Variants in FGD4 observed in about 807,000 individuals in gnomAD.
The protein encoded by FGD4 is FYVE, RhoGEF and PH domain containing 4.
FGD4 carries 42 observed loss-of-function variants against 102.0 expected under a neutral mutation model. That is an observed-to-expected ratio of 0.41 (90% CI 0.32 to 0.53). FGD4 has a LOEUF of 0.53. Ranked by LOEUF, FGD4 falls within the 20% of genes least tolerant of loss-of-function variation. FGD4 has a pLI of 0.21. For missense variants in FGD4, 902 were observed against 1,078.2 expected (o/e 0.84, Z 2.29); for synonymous variants, 380 against 375.7 (o/e 1.01, Z -0.13).
At chr12:32,415,622 C>T (rs1010584435) in intron 1 of FGD4, among the ~76,000 whole-genome samples, 4 of 151,954 alleles carry the variant, frequency 2.6e-5, no homozygotes, top group Admixed American at 6.6e-5. Flanking sequence ...CGGGTTTCAC[C>T]GTATTAGCCA....
chr12:32,473,632 ACCCACCAATTC>A (rs1943497969), intron 1 of FGD4, among the ~76,000 whole-genome samples: 1 of 152,128 alleles, frequency 6.6e-6, no homozygotes, highest in South Asian at 2.1e-4. Flanking sequence ...CAGACCAAGA[ACCCACCAATTC>A]CGGACACACC....
At position 32,509,554 on chromosome 12, in the gene FGD4, T is replaced by C. The variant is rs1278714630; in HGVS notation, c.167-54583T>C. 1.5e-4 allele frequency among the ~76,000 whole-genome samples: 23 copies of C among 152,244 alleles called. 1 individual carries two copies. Among genetic ancestry groups the C allele is most frequent in the Admixed American group, 1.5e-3 (23 of 15,286 alleles). On this transcript the variant is annotated intron_variant, in intron 1 of 16. Transcript: ENST00000534526. Reference sequence around the variant, plus strand: ...ATTTTCCAAATGCTTATATTTTGGATTGGCACCCTTGTATACTTCAGATGA... The same window carrying C: ...ATTTTCCAAATGCTTATATTTTGGACTGGCACCCTTGTATACTTCAGATGA...
At chr12:32,438,576 A>T (rs1942311680) in intron 1 of FGD4, among the ~76,000 whole-genome samples, 1 of 150,474 alleles carries the variant, frequency 6.6e-6, no homozygotes, top group African/African-American at 2.4e-5. Context: ...TTTATATACT[A>T]GTCACCTAAA....
chr12:32,484,133 A>G (rs559565866), intron 1 of FGD4, among the ~76,000 whole-genome samples: 1 of 152,286 alleles, frequency 6.6e-6, no homozygotes, highest in South Asian at 2.1e-4. Flanking sequence ...TCTGCCTCAT[A>G]TAGTATGGCT....
At chr12:32,499,354 T>C (rs908008284) in intron 1 of FGD4, among the ~76,000 whole-genome samples, 1 of 152,192 alleles carries the variant, frequency 6.6e-6, no homozygotes, top group African/African-American at 2.4e-5. Context: ...GGGGATACTA[T>C]AATGAAGACA....
intron 1 of FGD4, among the ~76,000 whole-genome samples, chr12:32,532,473 G>A (rs898395933): frequency 9.2e-5 from 14 of 152,006 alleles, no homozygotes; most frequent in African/African-American, 3.4e-4. Flanking sequence ...ATATTCTTCT[G>A]TAAGATGGTG....
At chr12:32,610,883 A>G (rs765238849) in intron 9 of FGD4, 49 bp downstream of exon 9, 8 of 1,558,154 alleles carry the variant, frequency 5.1e-6, no homozygotes, top group East Asian at 2.2e-5. Context: ...ACAATTATCA[A>G]TAATACTGCC....
intron 1 of FGD4, among the ~76,000 whole-genome samples, chr12:32,533,770 A>G (rs911036104): frequency 6.6e-6 from 1 of 152,236 alleles, no homozygotes; most frequent in Non-Finnish European, 1.5e-5. Context: ...GAAATTACTA[A>G]TGTACTTATA....
intron 1 of FGD4, among the ~76,000 whole-genome samples, chr12:32,493,262 G>T (rs1170064897): frequency 6.6e-6 from 1 of 152,224 alleles, no homozygotes; most frequent in East Asian, 1.9e-4. Context: ...TGTTTCACCT[G>T]ATTTCCAGTT....
At chr12:32,554,539 T>G in intron 1 of FGD4, among the ~76,000 whole-genome samples, 2 of 152,294 alleles carry the variant, frequency 1.3e-5, no homozygotes, top group South Asian at 4.1e-4. Flanking sequence ...AGGAGCACAA[T>G]TGCTGCCTTC....
At chr12:32,433,627 G>A (rs150731539) in intron 1 of FGD4, among the ~76,000 whole-genome samples, 404 of 152,098 alleles carry the variant, frequency 2.7e-3, no homozygotes, top group Non-Finnish European at 4.6e-3. Flanking sequence ...ATGAGCCACC[G>A]CACCTGGCCT....
chr12:32,478,121 A>G (rs1345514512), intron 1 of FGD4, among the ~76,000 whole-genome samples: 1 of 152,198 alleles, frequency 6.6e-6, no homozygotes, highest in African/African-American at 2.4e-5. Context: ...TCTGATTAGT[A>G]TTAAGTCTTT....
In FGD4 at chr12:32,630,292, A is replaced by G. The variant is rs572054145; in HGVS notation, c.2173-3257A>G. On this transcript the variant is annotated intron_variant, in intron 14 of 16. Transcript: ENST00000534526. ...TCTCAGAGTATCTACCTAGACTGTC[A>G]TACTGACAGCAGCAAGAGTCAAAAA... Among the ~76,000 whole-genome samples, 17 of 152,334 alleles carry G rather than the reference A, an allele frequency of 1.1e-4. No individual in the cohort carries two copies. In the East Asian group the frequency reaches 3.1e-3, roughly 28 times the overall value.
chr12:32,499,051 A>G (rs1938002138), intron 1 of FGD4, among the ~76,000 whole-genome samples: 1 of 152,250 alleles, frequency 6.6e-6, no homozygotes, highest in African/African-American at 2.4e-5. Context: ...TACAAAAGGA[A>G]AGAGAAAGGA....
At chr12:32,424,641 G>A (rs536513587) in intron 1 of FGD4, among the ~76,000 whole-genome samples, 73 of 152,282 alleles carry the variant, frequency 4.8e-4, no homozygotes, top group African/African-American at 1.6e-3. Flanking sequence ...TTGAGAAATA[G>A]CCATACTGTC....
intron 4 of FGD4, among the ~76,000 whole-genome samples, chr12:32,587,374 G>GTATT (rs149737397): frequency 0.014 from 2,047 of 150,572 alleles, 41 homozygotes; most frequent in African/African-American, 0.045. Context: ...TTTTTATTCT[G>GTATT]TATTTATTTA....
intron 1 of FGD4, among the ~76,000 whole-genome samples, chr12:32,464,628 T>C (rs981240449): frequency 1.3e-5 from 2 of 152,252 alleles, no homozygotes; most frequent in East Asian, 3.8e-4. Flanking sequence ...TTCTATGTAC[T>C]AGGTAGTATT....
intron 16 of FGD4, among the ~76,000 whole-genome samples, chr12:32,639,259 G>T (rs574317435): frequency 1.4e-4 from 22 of 152,226 alleles, no homozygotes; most frequent in African/African-American, 4.6e-4. Flanking sequence ...CACCTCCTGG[G>T]TTCAAGTGAT....
intron 1 of FGD4, among the ~76,000 whole-genome samples, chr12:32,408,447 G>A (rs1941048308): frequency 6.6e-6 from 1 of 152,164 alleles, no homozygotes; most frequent in Admixed American, 6.5e-5. Context: ...GTTGACAGGT[G>A]TGAGCCACCG....
Sources: gnomAD v4.1 joint callset for allele counts (sites outside exome capture counted in the v4.1 genomes callset) on GRCh38, gnomAD v4.1.1 for gene constraint, MANE v1.5 for transcripts, NCBI Gene and HGNC (gene_info 2026-07-23, HGNC 2026-07-21) for gene names.